The following CCDC125 variants were observed in gnomAD, a reference collection of about 807,000 sequenced individuals.
The protein encoded by CCDC125 is coiled-coil domain-containing protein 125.
In CCDC125, 43 loss-of-function variants were observed where a neutral mutation model predicts 57.4. That is an observed-to-expected ratio of 0.75 (90% CI 0.59 to 0.97). The LOEUF is 0.97. CCDC125 is among the 50% of genes least tolerant of loss of function. The pLI, the probability that CCDC125 is intolerant of heterozygous loss-of-function variation, is 0.00. For missense variants in CCDC125, 563 were observed against 595.7 expected (o/e 0.95, Z 0.57); for synonymous variants, 187 against 195.2 (o/e 0.96, Z 0.35).
chr5:69,327,195 T>G (rs1394091997), intron 1 of CCDC125, among the ~76,000 whole-genome samples: 1 of 151,268 alleles, frequency 6.6e-6, no homozygotes, highest in Non-Finnish European at 1.5e-5. Context: ...CCCGGGTTCA[T>G]GCCAGTCTCC....
chr5:69,279,322 G>A (rs569832366), downstream of CCDC125, among the ~76,000 whole-genome samples: 2 of 134,212 alleles, frequency 1.5e-5, no homozygotes, highest in East Asian at 2.0e-4. Context: ...TCAGCCTCCC[G>A]AGTAGCTGGG....
chr5:69,275,340 A>G (rs1224947866), downstream of CCDC125, among the ~76,000 whole-genome samples: 1 of 152,096 alleles, frequency 6.6e-6, no homozygotes, highest in Non-Finnish European at 1.5e-5. Context: ...AAAAAGCCTT[A>G]TTTTTTAAGA....
chr5:69,293,188 G>C (rs753826024), intron 9 of CCDC125, among the ~76,000 whole-genome samples: 6 of 152,062 alleles, frequency 3.9e-5, no homozygotes, highest in South Asian at 2.1e-4. Flanking sequence ...ACCCAGGCTA[G>C]AGTGCAGTGA....
chr5:69,288,504 T>G (rs544836980), intron 10 of CCDC125, among the ~76,000 whole-genome samples: 31 of 151,950 alleles, frequency 2.0e-4, no homozygotes, highest in Non-Finnish European at 3.8e-4. Context: ...TCCTGAGGGG[T>G]GGTACGCCAA....
chr5:69,326,938 C>T (rs1029709688), intron 1 of CCDC125, among the ~76,000 whole-genome samples: 8 of 151,986 alleles, frequency 5.3e-5, no homozygotes, highest in Non-Finnish European at 7.4e-5. Flanking sequence ...CACCTGTAGT[C>T]CCAAGCTACA....
the CCDC125 span, among the ~76,000 whole-genome samples, chr5:69,274,063 C>A: frequency 0.15 from 23,042 of 152,078 alleles, 1,874 homozygotes; most frequent in African/African-American, 0.2. Flanking sequence ...GTTGCCTTTT[C>A]ACTCATACTT....
chr5:69,323,187 T>C (rs2150632885), intron 1 of CCDC125, among the ~76,000 whole-genome samples: 1 of 151,278 alleles, frequency 6.6e-6, no homozygotes, highest in East Asian at 2.0e-4. Flanking sequence ...CGTGTGCCTG[T>C]AATCTCAGCT....
intron 1 of CCDC125, among the ~76,000 whole-genome samples, chr5:69,321,489 C>A (rs963378587): frequency 6.6e-6 from 1 of 152,176 alleles, no homozygotes; most frequent in African/African-American, 2.4e-5. Context: ...GCCTACTATA[C>A]CCCTGGGCTA....
intron 6 of CCDC125, among the ~76,000 whole-genome samples, chr5:69,305,425 T>C (rs1757179263): frequency 6.6e-6 from 1 of 151,924 alleles, no homozygotes; most frequent in African/African-American, 2.4e-5. Context: ...ATTAGCCAGG[T>C]TGGTCTAGAA....
In CCDC125 at chr5:69,303,916, T is replaced by G. The variant is rs1436656099; in HGVS notation, c.631A>C (p.Asn211His). The G allele has an allele frequency of 1.9e-6, 3 of 1,603,416 alleles. No individual in the cohort carries two copies. Among genetic ancestry groups the G allele is most frequent in the African/African-American group, 1.3e-5 (1 of 74,554 alleles). The change falls in exon 7 of 12, where the codon AAT (asparagine) becomes CAT (histidine). Residue 211 changes from asparagine to histidine, a missense_variant. Transcript: ENST00000396496. ...TTCAAATTCTCTTTGAGGACTGCAT[T>G]TTCACAGTTTAGCCTGGAAAAAAGT... The part of the protein sequence containing the change: ...IQKYDRLNCE[N>H]AVLKENLKVK...
At chr5:69,321,981 C>T (rs1453582454) in intron 1 of CCDC125, among the ~76,000 whole-genome samples, 1 of 152,088 alleles carries the variant, frequency 6.6e-6, no homozygotes, top group Non-Finnish European at 1.5e-5. Context: ...GGATTACAAC[C>T]ATGCGCCACC....
intron 11 of CCDC125, among the ~76,000 whole-genome samples, chr5:69,285,111 AAAAC>A (rs1210984413): frequency 2.9e-5 from 4 of 137,298 alleles, no homozygotes; most frequent in African/African-American, 5.1e-5. Context: ...AACAAACAAA[AAAAC>A]CAAAAAACAA....
At chr5:69,306,744 A>C in intron 6 of CCDC125, 73 bp downstream of exon 6, 2 of 1,322,686 alleles carry the variant, frequency 1.5e-6, no homozygotes, top group East Asian at 5.6e-5. Context: ...CTCAAAGAAG[A>C]AAGCATAAAT....
chr5:69,285,769 A>C (rs553274260), intron 10 of CCDC125, among the ~76,000 whole-genome samples: 1 of 152,314 alleles, frequency 6.6e-6, no homozygotes, highest in East Asian at 1.9e-4. Context: ...ATCTGTCATG[A>C]CATCTTCCAA....
chr5:69,290,677 T>C (rs895254465), intron 10 of CCDC125, among the ~76,000 whole-genome samples: 5 of 147,962 alleles, frequency 3.4e-5, no homozygotes, highest in Non-Finnish European at 7.4e-5. Flanking sequence ...TCCCCCAGGC[T>C]GGAGTGCAGT....
intron 7 of CCDC125, among the ~76,000 whole-genome samples, chr5:69,302,875 A>G (rs1756721126): frequency 6.6e-6 from 1 of 152,156 alleles, no homozygotes; most frequent in Non-Finnish European, 1.5e-5. Context: ...CAGGTGCTCT[A>G]CCATTTTGCT....
chr5:69,319,886 C>T lies in CCDC125; in HGVS notation c.304+351G>A, dbSNP rs537418211. ...CGGTAATCCCAGCACTTTGGGAGGC[C>T]GAGGCAGGCAAATCATTTGAGGTCA... On this transcript the variant is annotated intron_variant, in intron 2 of 11. Transcript: ENST00000396496. Among the ~76,000 whole-genome samples, 43 of 152,010 alleles carry T rather than the reference C, an allele frequency of 2.8e-4. 2 individuals are homozygous for T. The South Asian group carries it at 7.7e-3, about 27-fold the overall frequency.
intron 3 of CCDC125, chr5:69,313,769 G>A (rs1393033974): frequency 1.8e-5 from 14 of 785,500 alleles, no homozygotes; most frequent in South Asian, 2.7e-5. Context: ...GAAGAGCACC[G>A]CCTTCTTGCG....
At chr5:69,309,717 C>T (rs150350214) in intron 4 of CCDC125, 1 of 152,366 alleles carries the variant, frequency 6.6e-6, no homozygotes, top group Non-Finnish European at 1.5e-5. Flanking sequence ...TCCTCCAGAC[C>T]CCAGAATGGT....
Sources: allele counts gnomAD v4.1 joint callset (sites outside exome capture counted in the v4.1 genomes callset), GRCh38; gene constraint gnomAD v4.1.1; transcripts MANE v1.5; gene names NCBI Gene and HGNC (gene_info 2026-07-23, HGNC 2026-07-21).